Variants in RORA observed in about 807,000 individuals in gnomAD.
The protein encoded by RORA is nuclear receptor ROR-alpha.
RORA carries 7 observed loss-of-function variants against 69.5 expected under a neutral mutation model. The observed-to-expected ratio is 0.10, with a 90% CI of 0.06 to 0.19. The LOEUF (loss-of-function observed/expected upper bound fraction) is 0.19. Ranked by LOEUF, RORA falls within the 10% of genes least tolerant of loss-of-function variation. The pLI, the probability that RORA is intolerant of heterozygous loss-of-function variation, is 1.00. For missense variants in RORA, 457 were observed against 663.0 expected (o/e 0.69, Z 3.41); for synonymous variants, 261 against 240.8 (o/e 1.08, Z -0.78).
chr15:60,612,389 A>C (rs1375041149), intron 2 of RORA, among the ~76,000 whole-genome samples: 1 of 152,140 alleles, frequency 6.6e-6, no homozygotes, highest in Non-Finnish European at 1.5e-5. Flanking sequence ...TCTTTTTGGC[A>C]TGTTCCTCCA....
intron 2 of RORA, among the ~76,000 whole-genome samples, chr15:60,541,293 T>C (rs1386270840): frequency 6.6e-6 from 1 of 151,886 alleles, no homozygotes; most frequent in Non-Finnish European, 1.5e-5. Flanking sequence ...ACATCACAGA[T>C]GTATTTCTGA....
At chr15:61,004,048 T>G (rs1894830823) in intron 1 of RORA, among the ~76,000 whole-genome samples, 2 of 152,034 alleles carry the variant, frequency 1.3e-5, no homozygotes, top group African/African-American at 4.8e-5. Context: ...GTGGAGGGAC[T>G]AAAGACACGC....
chr15:60,599,700 A>C (rs1371802791), intron 2 of RORA, among the ~76,000 whole-genome samples: 1 of 152,222 alleles, frequency 6.6e-6, no homozygotes, highest in Non-Finnish European at 1.5e-5. Context: ...GGTTGTAGCT[A>C]TTTCTTCTGC....
chr15:60,942,051 C>T (rs1237160351), intron 1 of RORA, among the ~76,000 whole-genome samples: 3 of 152,134 alleles, frequency 2.0e-5, no homozygotes, highest in Non-Finnish European at 2.9e-5. Flanking sequence ...AAACTTAATC[C>T]ATAATATCTT....
At chr15:61,059,935 CAAGAAGAAG>C (rs71122900) in intron 1 of RORA, among the ~76,000 whole-genome samples, 118 of 86,650 alleles carry the variant, frequency 1.4e-3, no homozygotes, top group African/African-American at 4.8e-3. Flanking sequence ...AGAAGAAGAA[CAAGAAGAAG>C]AAGAAGAAGA....
intron 2 of RORA, among the ~76,000 whole-genome samples, chr15:60,632,317 C>A (rs2069756270): frequency 6.6e-6 from 1 of 151,876 alleles, no homozygotes; most frequent in Admixed American, 6.6e-5. Flanking sequence ...CCGTGTTAGC[C>A]AGGATGGTCT....
chr15:61,035,450 T>C (rs1566954857), intron 1 of RORA, among the ~76,000 whole-genome samples: 2 of 152,208 alleles, frequency 1.3e-5, no homozygotes, highest in East Asian at 1.9e-4. Flanking sequence ...TGTGGCAAAA[T>C]ACATCAAGCA....
rs1330516423 is a variant in RORA, at chr15:60,502,689, G to C, written c.1183+71C>G. On this transcript the variant is annotated intron_variant, in intron 8 of 10. Transcript: ENST00000335670. Reference sequence around the variant, plus strand: ...ATAAAGTTTTCATTTTGTCCAAGCAGAGCTTTCACTCAACCCGCATCTTTT... The same window carrying C: ...ATAAAGTTTTCATTTTGTCCAAGCACAGCTTTCACTCAACCCGCATCTTTT... 6.4e-6 allele frequency: 6 copies of C among 937,966 alleles called. No homozygotes were observed. In the Admixed American group the frequency reaches 1.3e-4, roughly 20 times the overall value. 58.1% of individuals were successfully genotyped at this position (937,966 alleles called of 1,614,324 possible).
chr15:61,129,625 T>C (rs1330310268), intron 1 of RORA, among the ~76,000 whole-genome samples: 1 of 152,256 alleles, frequency 6.6e-6, no homozygotes, highest in African/African-American at 2.4e-5. Context: ...AAAAATGTGA[T>C]ACTGTTTTAA....
At chr15:60,609,039 C>A (rs73424017) in intron 2 of RORA, among the ~76,000 whole-genome samples, 6,365 of 152,054 alleles carry the variant, frequency 0.042, 422 homozygotes, top group African/African-American at 0.14. Flanking sequence ...TTTTTATGGC[C>A]CTGTATTTCA....
intron 2 of RORA, among the ~76,000 whole-genome samples, chr15:60,604,601 C>T (rs2068902798): frequency 6.6e-6 from 1 of 152,104 alleles, no homozygotes; most frequent in Non-Finnish European, 1.5e-5. Flanking sequence ...CCATTGTATT[C>T]CTTATATCAT....
At chr15:60,559,503 C>A (rs2067471369) in intron 2 of RORA, among the ~76,000 whole-genome samples, 1 of 152,194 alleles carries the variant, frequency 6.6e-6, no homozygotes, top group South Asian at 2.1e-4. Flanking sequence ...CACTGTAGTG[C>A]TTGAACTTTG....
chr15:60,988,166 A>C (rs939300203), intron 1 of RORA, among the ~76,000 whole-genome samples: 1 of 152,192 alleles, frequency 6.6e-6, no homozygotes, highest in African/African-American at 2.4e-5. Context: ...AAGTGGTAAG[A>C]GTGAAAACAG....
At chr15:61,087,252 C>G (rs2078639149) in intron 1 of RORA, among the ~76,000 whole-genome samples, 1 of 152,174 alleles carries the variant, frequency 6.6e-6, no homozygotes, top group South Asian at 2.1e-4. Context: ...GTTTAAATAA[C>G]AGAAAGGAAA....
chr15:60,656,003 T>C (rs1010962169), intron 2 of RORA, among the ~76,000 whole-genome samples: 26 of 152,222 alleles, frequency 1.7e-4, no homozygotes, highest in African/African-American at 6.0e-4. Context: ...TGATGTATTA[T>C]GGAGGTAAAA....
chr15:60,832,910 T>G lies in RORA; in HGVS notation c.167-154224A>C, dbSNP rs190032572. On this transcript the variant is annotated intron_variant, in intron 1 of 10. Transcript: ENST00000335670. ...CTTCTGTTCCATCCCAACTGAGTGTTCTTTTTTTTTTTGAGACGGAGTCTC... is the reference window on the plus strand; with the variant it reads ...CTTCTGTTCCATCCCAACTGAGTGTGCTTTTTTTTTTTGAGACGGAGTCTC... 9.1e-4 allele frequency among the ~76,000 whole-genome samples: 139 copies of G among 152,086 alleles called. 2 individuals carry two copies. Among genetic ancestry groups the G allele is most frequent in the Non-Finnish European group, 1.4e-3 (98 of 67,998 alleles).
intron 1 of RORA, among the ~76,000 whole-genome samples, chr15:61,178,244 C>A (rs769816720): frequency 6.6e-6 from 1 of 152,134 alleles, no homozygotes; most frequent in Non-Finnish European, 1.5e-5. Flanking sequence ...TCCTGACTTT[C>A]CTAAAGTGAT....
chr15:61,004,378 G>GTT lies in RORA; in HGVS notation c.166+224673_166+224674dup, dbSNP rs35632839. Among the ~76,000 whole-genome samples the GTT allele has an allele frequency of 1.5e-3, 213 of 145,086 alleles. 1 individual carries two copies. The highest frequency in any genetic ancestry group is 5.1e-3 in the African/African-American group (202 of 39,374). ...TTTATGCTTAAAATGGAGTCTGAAT[G>GTT]TTTTTTTTTTTTTTCATCTAAAAAT... On this transcript the variant is annotated intron_variant, in intron 1 of 10. Transcript: ENST00000335670.
chr15:60,688,485 T>A (rs934118167), intron 1 of RORA, among the ~76,000 whole-genome samples: 1 of 152,178 alleles, frequency 6.6e-6, no homozygotes, highest in Non-Finnish European at 1.5e-5. Flanking sequence ...AGCAAGGCAA[T>A]GTTGACCTAA....
Sources: allele counts gnomAD v4.1 joint callset (sites outside exome capture counted in the v4.1 genomes callset), GRCh38; gene constraint gnomAD v4.1.1; transcripts MANE v1.5; gene names NCBI Gene and HGNC (gene_info 2026-07-23, HGNC 2026-07-21).